SPPL3: variants seen among roughly 807,000 people sequenced by gnomAD.
The protein encoded by SPPL3 is signal peptide peptidase like 3, also known as signal peptide peptidase-like 3.
In SPPL3, 5 loss-of-function variants were observed where a neutral mutation model predicts 42.4. That is an observed-to-expected ratio of 0.12 (90% CI 0.06 to 0.25). SPPL3 has a LOEUF of 0.25. Ranked by LOEUF, SPPL3 falls within the 10% of genes least tolerant of loss-of-function variation. The pLI is 1.00. For missense variants in SPPL3, 235 were observed against 489.0 expected, an observed-to-expected ratio of 0.48 and a Z score of 4.90; for synonymous variants, 195 against 181.8, an observed-to-expected ratio of 1.07 and a Z score of -0.58.
At chr12:120,802,431 ATTT>A (rs1166451844) in intron 2 of SPPL3, among the ~76,000 whole-genome samples, 111 of 105,112 alleles carry the variant, frequency 1.1e-3, no homozygotes, top group African/African-American at 4.9e-3. Context: ...ATATATATAT[ATTT>A]TTTTTTTTTT....
At chr12:120,881,816 C>A (rs10431373) in intron 1 of SPPL3, among the ~76,000 whole-genome samples, 9,536 of 147,872 alleles carry the variant, frequency 0.064, 543 homozygotes, top group East Asian at 0.3. Flanking sequence ...AAAAAAGAAA[C>A]AAAATATTGT....
chr12:120,789,393 G>A (rs940438753), intron 3 of SPPL3, among the ~76,000 whole-genome samples: 3 of 139,108 alleles, frequency 2.2e-5, no homozygotes, highest in Non-Finnish European at 3.0e-5. Context: ...GGCGGAGGAT[G>A]CAGTCAGCAG....
At position 120,766,382 on chromosome 12, in the gene SPPL3, G is replaced by A; in HGVS notation, c.974-10C>T. 1 of 1,569,354 alleles carries A rather than the reference G, an allele frequency of 6.4e-7. No homozygotes were observed. The highest frequency in any genetic ancestry group is 1.9e-5 in the Admixed American group (1 of 52,194). On this transcript the variant is annotated splice_polypyrimidine_tract_variant and intron_variant, in intron 9 of 10. Coordinates refer to ENST00000353487, the MANE Select transcript of SPPL3 (RefSeq NM_139015.5). Reference sequence around the variant, plus strand: ...GTAGCAGTGAGCAGGCCTGTGAGGAGAGAGAGGCATCTGTGAGACACGAGA... The same window carrying A: ...GTAGCAGTGAGCAGGCCTGTGAGGAAAGAGAGGCATCTGTGAGACACGAGA...
chr12:120,814,033 T>C (rs1203023332), intron 1 of SPPL3, among the ~76,000 whole-genome samples: 1 of 152,082 alleles, frequency 6.6e-6, no homozygotes, highest in East Asian at 1.9e-4. Flanking sequence ...GGTGAAATAA[T>C]ATGATTTAAG....
chr12:120,777,453 TTTAAG>T (rs571908338), intron 6 of SPPL3, among the ~76,000 whole-genome samples: 2 of 152,362 alleles, frequency 1.3e-5, no homozygotes, highest in South Asian at 2.1e-4. Flanking sequence ...TCTTCCCTAC[TTTAAG>T]TTAACAAATT....
chr12:120,865,351 G>A (rs979191409), intron 1 of SPPL3, among the ~76,000 whole-genome samples: 2 of 152,228 alleles, frequency 1.3e-5, no homozygotes, highest in African/African-American at 4.8e-5. Flanking sequence ...ACAACGGCCA[G>A]TACAGTGTGG....
At chr12:120,824,202 T>C (rs1036096168) in intron 1 of SPPL3, among the ~76,000 whole-genome samples, 1 of 152,054 alleles carries the variant, frequency 6.6e-6, no homozygotes, top group African/African-American at 2.4e-5. Context: ...GCACGAAGAA[T>C]TGTTAGGAAG....
In SPPL3 at chr12:120,791,422, T is replaced by C. The variant is rs77723057; in HGVS notation, c.190+47A>G. On this transcript the variant is annotated intron_variant, in intron 3 of 10. Coordinates refer to ENST00000353487, the MANE Select transcript of SPPL3 (RefSeq NM_139015.5). ...AACTGGAGGTATAGAAACAGCCAAA[T>C]TAAGAAAACTATATGTACAGAAGTT... is the stretch of plus-strand genomic sequence containing the variant. The C allele has an allele frequency of 6.7e-3, 9,355 of 1,398,284 alleles. 553 individuals are homozygous for C. In the African/African-American group the frequency reaches 0.12, roughly 18 times the overall value. 86.6% of individuals were successfully genotyped at this position (1,398,284 alleles called of 1,614,324 possible).
At chr12:120,880,901 A>C (rs1438808741) in intron 1 of SPPL3, among the ~76,000 whole-genome samples, 8 of 151,938 alleles carry the variant, frequency 5.3e-5, no homozygotes, top group African/African-American at 1.9e-4. Context: ...AAATGGACAA[A>C]GGACGTGAAT....
intron 2 of SPPL3, among the ~76,000 whole-genome samples, chr12:120,795,505 T>G (rs768013994): frequency 1.4e-4 from 22 of 152,220 alleles, no homozygotes; most frequent in Admixed American, 2.6e-4. Context: ...TGTAGAATCT[T>G]ACAGTGACAG....
chr12:120,861,422 G>A (rs1872615675), intron 1 of SPPL3, among the ~76,000 whole-genome samples: 1 of 152,126 alleles, frequency 6.6e-6, no homozygotes, highest in East Asian at 1.9e-4. Context: ...AAAGGGTGTT[G>A]GCAATAAATA....
chr12:120,775,355 T>C (rs1322272232), intron 6 of SPPL3, among the ~76,000 whole-genome samples: 1 of 152,206 alleles, frequency 6.6e-6, no homozygotes, highest in Non-Finnish European at 1.5e-5. Flanking sequence ...TTTCACCATG[T>C]TGGCCAGGCT....
At chr12:120,765,677 G>T (rs1868862688) in intron 10 of SPPL3, among the ~76,000 whole-genome samples, 1 of 151,856 alleles carries the variant, frequency 6.6e-6, no homozygotes, top group Admixed American at 6.6e-5. Context: ...TTTTTAGGAG[G>T]ACTCCCTAGA....
chr12:120,839,657 T>C (rs1008193084), intron 1 of SPPL3, among the ~76,000 whole-genome samples: 2 of 152,202 alleles, frequency 1.3e-5, no homozygotes, highest in Admixed American at 1.3e-4. Context: ...TGTATGTACA[T>C]GTGACAACAC....
chr12:120,844,856 C>T (rs661647), intron 1 of SPPL3, among the ~76,000 whole-genome samples: 73,846 of 150,858 alleles, frequency 0.49, 18,301 homozygotes, highest in East Asian at 0.56. Flanking sequence ...AGTTGACTTT[C>T]CTTTTTACAA....
intron 2 of SPPL3, among the ~76,000 whole-genome samples, chr12:120,809,972 A>G (rs1260792222): frequency 7.2e-6 from 1 of 138,778 alleles, no homozygotes; most frequent in Non-Finnish European, 1.5e-5. Flanking sequence ...GGACAACATA[A>G]AAAAATTTTT....
At chr12:120,802,401 G>GTATATATATACACATA (rs1566046035) in intron 2 of SPPL3, among the ~76,000 whole-genome samples, 8 of 90,468 alleles carry the variant, frequency 8.8e-5, no homozygotes, top group African/African-American at 6.7e-4. Context: ...ACATATATGT[G>GTATATATATACACATA]TGTGTGTGTG....
At chr12:120,888,295 C>CG (rs1163537686) in intron 1 of SPPL3, among the ~76,000 whole-genome samples, 1 of 152,018 alleles carries the variant, frequency 6.6e-6, no homozygotes, top group Non-Finnish European at 1.5e-5. Flanking sequence ...AGGCTGGTCT[C>CG]GAACTCCTAA....
intron 2 of SPPL3, 86 bp downstream of exon 2, chr12:120,810,723 G>C: frequency 4.0e-6 from 4 of 1,008,346 alleles, no homozygotes; most frequent in Non-Finnish European, 6.1e-6. Context: ...TTTCTTCACA[G>C]AGTAAGTTTT....
Sources: gnomAD v4.1 joint callset for allele counts (sites outside exome capture counted in the v4.1 genomes callset) on GRCh38, gnomAD v4.1.1 for gene constraint, MANE v1.5 for transcripts, NCBI Gene and HGNC (gene_info 2026-07-23, HGNC 2026-07-21) for gene names.